OR6C2: variants seen among roughly 807,000 people sequenced by gnomAD.
OR6C2 encodes the protein olfactory receptor family 6 subfamily C member 2, also known as olfactory receptor 6C2.
For missense variants in OR6C2, 435 were observed against 365.8 expected (o/e 1.19, Z -1.54); for synonymous variants, 146 against 134.2 (o/e 1.09, Z -0.61).
chr12:55,445,028 G>A (rs1871337601), intron 1 of OR6C2, among the ~76,000 whole-genome samples: 1 of 152,164 alleles, frequency 6.6e-6, no homozygotes, highest in African/African-American at 2.4e-5. Flanking sequence ...ATGATGAATA[G>A]TGTGAGAGTT....
Position 55,452,411 on chromosome 12 carries a change from C to A in OR6C2, c.198C>A (p.Phe66Leu), listed in dbSNP as rs776577683. ...PMYFFLRNFSFLEVSFTTVCI... is the reference protein window; with the variant it reads ...PMYFFLRNFSLLEVSFTTVCI... ...ACTTCTTTCTCAGAAATTTTTCCTT[C>A]TTAGAAGTCTCATTTACTACAGTCT... The change falls in exon 2 of 2, where the codon TTC becomes TTA. Residue 66 changes from phenylalanine (F) to leucine (L), a missense_variant. Coordinates refer to ENST00000641202, the MANE Select transcript of OR6C2 (RefSeq NM_054105.2). 6.2e-7 allele frequency: 1 copy of A among 1,613,366 alleles called. No homozygotes were observed. Among genetic ancestry groups the A allele is most frequent in the Non-Finnish European group, 8.5e-7 (1 of 1,179,654 alleles).
chr12:55,446,789 A>G (rs2120676447), intron 1 of OR6C2, among the ~76,000 whole-genome samples: 1 of 152,310 alleles, frequency 6.6e-6, no homozygotes. Context: ...TCAATACAAT[A>G]TAAAGACTGA....
intron 1 of OR6C2, among the ~76,000 whole-genome samples, chr12:55,446,102 T>C (rs1181144410): frequency 6.6e-6 from 1 of 151,088 alleles, no homozygotes. Context: ...AACACTACAG[T>C]AGTAATTTCC....
At chr12:55,446,512 G>A (rs1871364879) in intron 1 of OR6C2, among the ~76,000 whole-genome samples, 5 of 152,182 alleles carry the variant, frequency 3.3e-5, no homozygotes, top group Admixed American at 3.3e-4. Flanking sequence ...TTTTCCAACA[G>A]CTAGGTGGAA....
intron 1 of OR6C2, among the ~76,000 whole-genome samples, chr12:55,447,961 T>G (rs1279607491): frequency 6.6e-6 from 1 of 152,106 alleles, no homozygotes; most frequent in Admixed American, 6.5e-5. Flanking sequence ...AACCAGAGTG[T>G]ACAAGCGTTT....
chr12:55,449,302 C>T (rs915911709), intron 1 of OR6C2, among the ~76,000 whole-genome samples: 1 of 151,730 alleles, frequency 6.6e-6, no homozygotes, highest in Non-Finnish European at 1.5e-5. Flanking sequence ...TTCAAAAAAA[C>T]TTTTAAAACT....
intron 1 of OR6C2, among the ~76,000 whole-genome samples, chr12:55,444,630 T>C (rs1871332249): frequency 6.6e-6 from 1 of 152,186 alleles, no homozygotes; most frequent in South Asian, 2.1e-4. Flanking sequence ...TTGTTGCTCA[T>C]GATGCACTGC....
At chr12:55,448,726 T>C (rs1289548636) in intron 1 of OR6C2, among the ~76,000 whole-genome samples, 1 of 150,116 alleles carries the variant, frequency 6.7e-6, no homozygotes, top group Non-Finnish European at 1.5e-5. Context: ...CTCAAAAGTG[T>C]TGGGTCATAA....
intron 1 of OR6C2, among the ~76,000 whole-genome samples, chr12:55,446,588 G>A (rs1871366924): frequency 6.6e-6 from 1 of 152,116 alleles, no homozygotes; most frequent in African/African-American, 2.4e-5. Flanking sequence ...GAAGGATCCA[G>A]AGCTGCTTAA....
intron 1 of OR6C2, among the ~76,000 whole-genome samples, chr12:55,447,072 G>A (rs61956331): frequency 0.22 from 33,943 of 152,120 alleles, 3,997 homozygotes; most frequent in East Asian, 0.5. Context: ...GTGAGTCTAG[G>A]GCTGAATGCT....
Position 55,452,337 on chromosome 12 carries a change from A to G in OR6C2, c.124A>G (p.Thr42Ala). ...CATGTTGAGTGTAACAGGGAACCTG[A>G]CTATTATCACCCTCACATTGGTGGA... ...TYMLSVTGNL[T>A]IITLTLVDHH... Residue 42 changes from threonine (T) to alanine (A), a missense_variant, in exon 2 of 2, where the codon ACT (threonine) becomes GCT (alanine). Physicochemically the swap from Thr to Ala is moderately conservative, Grantham distance 58 (BLOSUM62 0). Transcript: ENST00000641202. 2 of 1,613,524 alleles carry G rather than the reference A, an allele frequency of 1.2e-6. No homozygotes were observed. Among genetic ancestry groups the G allele is most frequent in the Non-Finnish European group, 1.7e-6 (2 of 1,179,628 alleles).
rs1871472454 is a variant in OR6C2, at chr12:55,451,566, A to G, written c.-648A>G. 6.6e-6 allele frequency: 1 copy of G among 152,090 alleles called. No individual in the cohort carries two copies. 9.4% of individuals were successfully genotyped at this position (152,090 alleles called of 1,614,324 possible). A position where few individuals can be genotyped will look rare whatever the true frequency, so the allele number is the denominator to read the frequency against. Reference sequence around the variant, plus strand: ...AGCCTATGAGAATATTCATTTTGTAAAAACCTTGAACACAACTTTTTCTCA... The same window carrying G: ...AGCCTATGAGAATATTCATTTTGTAGAAACCTTGAACACAACTTTTTCTCA... On this transcript the variant is annotated 5_prime_UTR_variant, in exon 2 of 2. It removes the in-frame stop codon of an upstream open reading frame in the 5' UTR. Transcript: ENST00000641202.
At position 55,452,313 on chromosome 12, in the gene OR6C2, A is replaced by G. The variant is rs745336231; in HGVS notation, c.100A>G (p.Met34Val). The G allele has an allele frequency of 3.7e-6, 6 of 1,613,406 alleles. No homozygotes were observed. Among genetic ancestry groups the G allele is most frequent in the Non-Finnish European group, 5.1e-6 (6 of 1,179,494 alleles). Residue 34 changes from methionine to valine, a missense_variant, in exon 2 of 2, where the codon ATG (methionine) becomes GTG (valine). Met to Val is a conservative substitution (Grantham distance 21). Coordinates refer to ENST00000641202, the MANE Select transcript of OR6C2 (RefSeq NM_054105.2). ...TTTTATCTTTCTATTTCTCACCTAC[A>G]TGTTGAGTGTAACAGGGAACCTGAC... ...LLFIFLFLTY[M>V]LSVTGNLTII... is the part of the protein sequence containing the mutation.
In OR6C2 at chr12:55,452,197, G is replaced by A. The variant is rs1418214263; in HGVS notation, c.-17G>A. 2 of 1,483,322 alleles carry A rather than the reference G, an allele frequency of 1.3e-6. No homozygotes were observed. Among genetic ancestry groups the A allele is most frequent in the Non-Finnish European group, 1.8e-6 (2 of 1,095,716 alleles). The allele number at this position is 1,483,322 out of a possible 1,614,324, so 91.9% of individuals were successfully genotyped here. A position where few individuals can be genotyped will look rare whatever the true frequency, so the allele number is the denominator to read the frequency against. On this transcript the variant is annotated 5_prime_UTR_variant, in exon 2 of 2. Coordinates refer to ENST00000641202, the MANE Select transcript of OR6C2 (RefSeq NM_054105.2). ...GTGATTTTTAAAGGAGGATTGGGTA[G>A]ATATCAAAGAACAGTGATGAAAAAC... is the stretch of plus-strand genomic sequence containing the variant.
intron 1 of OR6C2, among the ~76,000 whole-genome samples, chr12:55,445,506 G>A (rs1175732043): frequency 6.6e-6 from 1 of 152,180 alleles, no homozygotes; most frequent in Non-Finnish European, 1.5e-5. Flanking sequence ...GAAATAGCAA[G>A]AACCCTAGAG....
rs768856725 is a variant in OR6C2, at chr12:55,453,043, C to T, written c.830C>T (p.Thr277Ile). 6.2e-7 allele frequency: 1 copy of T among 1,613,460 alleles called. No individual in the cohort carries two copies. Among genetic ancestry groups the T allele is most frequent in the Admixed American group, 1.7e-5 (1 of 59,894 alleles). Residue 277 changes from threonine to isoleucine, a missense_variant, in exon 2 of 2, where the codon ACT (threonine) becomes ATT (isoleucine). Physicochemically the swap from Thr to Ile is moderately conservative, Grantham distance 89 (BLOSUM62 -1). Coordinates refer to ENST00000641202, the MANE Select transcript of OR6C2 (RefSeq NM_054105.2). ...AINKGVSVLT[T>I]SVAPLLNPFI... ...AATAAAGGAGTTTCAGTTCTTACTA[C>T]TTCTGTCGCACCCTTGTTGAACCCC... is the stretch of plus-strand genomic sequence containing the variant.
At chr12:55,445,537 A>G (rs954716706) in intron 1 of OR6C2, among the ~76,000 whole-genome samples, 8 of 152,236 alleles carry the variant, frequency 5.3e-5, no homozygotes, top group African/African-American at 1.9e-4. Context: ...CAGATAAGAC[A>G]TATGTTTGTA....
rs1174519775 is a variant in OR6C2 at position 55,452,010 on chromosome 12, G to A, written c.-204G>A. On this transcript the variant is annotated 5_prime_UTR_variant, in exon 2 of 2. Transcript: ENST00000641202. ...GTTTTACAAAACTTGATTTCTTAAGGAGATATCCACTGCTCATATATGTGA... is the reference window on the plus strand; with the variant it reads ...GTTTTACAAAACTTGATTTCTTAAGAAGATATCCACTGCTCATATATGTGA... 4.7e-6 allele frequency: 2 copies of A among 426,336 alleles called. No individual in the cohort carries two copies. The highest frequency in any genetic ancestry group is 8.3e-6 in the Non-Finnish European group (2 of 241,748). The allele number at this position is 426,336 out of a possible 1,614,324, so 26.4% of individuals were successfully genotyped here.
At chr12:55,448,645 A>AAAAAAAAAAAAAAAAG (rs1565690596) in intron 1 of OR6C2, among the ~76,000 whole-genome samples, 1 of 137,082 alleles carries the variant, frequency 7.3e-6, no homozygotes, top group African/African-American at 3.0e-5. Flanking sequence ...ATTCACTGCA[A>AAAAAAAAAAAAAAAAG]AAAAAAAAAA....
Sources: gnomAD v4.1 joint callset for allele counts (sites outside exome capture counted in the v4.1 genomes callset) on GRCh38, gnomAD v4.1.1 for gene constraint, MANE v1.5 for transcripts, NCBI Gene and HGNC (gene_info 2026-07-23, HGNC 2026-07-21) for gene names.